Variants in UPRT observed in about 807,000 individuals in gnomAD.
UPRT encodes uracil phosphoribosyltransferase homolog.
UPRT carries 5 observed loss-of-function variants against 22.6 expected under a neutral mutation model. The observed-to-expected ratio is 0.22, with a 90% CI of 0.12 to 0.47. The LOEUF (loss-of-function observed/expected upper bound fraction) is 0.47. Among genes scored for constraint, UPRT ranks in the 20% least tolerant of loss-of-function variants. The probability of loss-of-function intolerance (pLI) is 0.99; values close to 1 mark genes in which losing one functional copy is unlikely to be tolerated. For missense variants in UPRT, 181 were observed against 239.9 expected, an observed-to-expected ratio of 0.75 and a Z score of 1.62; for synonymous variants, 77 against 87.7, an observed-to-expected ratio of 0.88 and a Z score of 0.68.
intron 1 of UPRT, among the ~76,000 whole-genome samples, chrX:75,280,007 C>CAT (rs1419252390): frequency 1.3e-4 from 14 of 109,709 alleles, no homozygotes; most frequent in South Asian, 1.2e-3. Context: ...AGTATTCCAT[C>CAT]ATATATATAT....
At chrX:75,282,745 C>T (rs1166927887) in intron 1 of UPRT, among the ~76,000 whole-genome samples, 1 of 111,365 alleles carries the variant, frequency 9.0e-6, no homozygotes, top group East Asian at 2.8e-4. Context: ...AATATGTATT[C>T]TGCAGTTGTT....
intron 1 of UPRT, among the ~76,000 whole-genome samples, chrX:75,160,191 T>C (rs1338125014): frequency 1.8e-5 from 2 of 112,127 alleles, no homozygotes; most frequent in East Asian, 5.6e-4. Flanking sequence ...TGGTGGAGTC[T>C]GTAAGGAAGA....
At chrX:75,237,797 G>T (rs2082473296) in intron 4 of UPRT, among the ~76,000 whole-genome samples, 2 of 75,948 alleles carry the variant, frequency 2.6e-5, no homozygotes, top group Admixed American at 1.8e-4. Context: ...GGGGACTGTT[G>T]TGGGGTGGGG....
At chrX:75,236,146 C>T (rs1332179342) in intron 4 of UPRT, among the ~76,000 whole-genome samples, 1 of 111,325 alleles carries the variant, frequency 9.0e-6, no homozygotes, top group South Asian at 3.8e-4. Context: ...CATTCTTATA[C>T]ATCAACAGCA....
chrX:75,239,564 G>T (rs1386255718), intron 4 of UPRT, among the ~76,000 whole-genome samples: 1 of 110,999 alleles, frequency 9.0e-6, no homozygotes. Flanking sequence ...TATTCCAAAG[G>T]ATAGAGAAAG....
chrX:75,179,420 G>A (rs770294962), intron 4 of UPRT, among the ~76,000 whole-genome samples: 8 of 113,103 alleles, frequency 7.1e-5, no homozygotes, highest in South Asian at 7.2e-4. Context: ...GACTCTCCAC[G>A]TCCCCACCAG....
chrX:75,216,818 A>C (rs1221899102), intron 4 of UPRT, among the ~76,000 whole-genome samples: 1 of 112,057 alleles, frequency 8.9e-6, no homozygotes, highest in African/African-American at 3.2e-5. Flanking sequence ...GCAGCGGCGC[A>C]ATCTCGGCTC....
chrX:75,188,852 G>C (rs772535225), intron 4 of UPRT, among the ~76,000 whole-genome samples: 1 of 111,665 alleles, frequency 9.0e-6, no homozygotes, highest in Non-Finnish European at 1.9e-5. Context: ...TTCGCTTCCC[G>C]AGTGAGGCAA....
intron 4 of UPRT, among the ~76,000 whole-genome samples, chrX:75,197,648 T>A (rs1434779555): frequency 9.0e-6 from 1 of 111,580 alleles, no homozygotes; most frequent in Non-Finnish European, 1.9e-5. Context: ...TAAAACTAGA[T>A]AATAAATGGG....
chrX:75,164,981 A>G (rs2082209134), intron 3 of UPRT, among the ~76,000 whole-genome samples: 1 of 102,168 alleles, frequency 9.8e-6, no homozygotes, highest in African/African-American at 3.5e-5. Context: ...AAAATGCTAT[A>G]CAAATTTTTT....
intron 4 of UPRT, among the ~76,000 whole-genome samples, chrX:75,254,240 A>G (rs1188150525): frequency 8.9e-6 from 1 of 111,870 alleles, no homozygotes; most frequent in Non-Finnish European, 1.9e-5. Context: ...CTAATCAGGA[A>G]TGCACCAGAG....
intron 4 of UPRT, among the ~76,000 whole-genome samples, chrX:75,256,872 A>C (rs5981340): frequency 0.65 from 71,695 of 110,295 alleles, 20,701 homozygotes; most frequent in Non-Finnish European, 0.91. Flanking sequence ...TTGAAATGGT[A>C]ATTTAACAGT....
At chrX:75,251,225 G>A (rs1227756941) in intron 4 of UPRT, among the ~76,000 whole-genome samples, 1 of 111,470 alleles carries the variant, frequency 9.0e-6, no homozygotes, top group Non-Finnish European at 1.9e-5. Flanking sequence ...AATCAGGCAG[G>A]AGAAGGAAAT....
intron 4 of UPRT, among the ~76,000 whole-genome samples, chrX:75,257,089 C>T (rs1048793580): frequency 1.8e-5 from 2 of 111,873 alleles, no homozygotes; most frequent in African/African-American, 6.5e-5. Context: ...CAGACAGTAT[C>T]CCTGATGTAC....
At chrX:75,287,061 T>A (rs1350845097) in intron 1 of UPRT, among the ~76,000 whole-genome samples, 1 of 111,431 alleles carries the variant, frequency 9.0e-6, no homozygotes, top group Non-Finnish European at 1.9e-5. Flanking sequence ...GACCTTTTTT[T>A]AAGAAGAGTT....
intron 4 of UPRT, among the ~76,000 whole-genome samples, chrX:75,187,646 G>A (rs995512074): frequency 2.3e-4 from 26 of 111,929 alleles, no homozygotes; most frequent in Admixed American, 1.5e-3. Context: ...TCTCCCCGTC[G>A]CTTTCAGGTA....
intron 4 of UPRT, among the ~76,000 whole-genome samples, chrX:75,214,027 A>T (rs1328084871): frequency 9.8e-5 from 11 of 112,213 alleles, no homozygotes; most frequent in Non-Finnish European, 1.9e-4. Context: ...AGTAGATTAT[A>T]CATTGTTCTC....
chrX:75,222,590 C>G (rs1463904239), intron 4 of UPRT, among the ~76,000 whole-genome samples: 2 of 111,517 alleles, frequency 1.8e-5, no homozygotes, highest in Non-Finnish European at 3.8e-5. Context: ...TTTTCACAGG[C>G]AGAAGATTCT....
intron 4 of UPRT, among the ~76,000 whole-genome samples, chrX:75,169,906 C>T (rs1333232387): frequency 9.0e-6 from 1 of 111,573 alleles, no homozygotes; most frequent in African/African-American, 3.3e-5. Context: ...GTTGCTATCT[C>T]ATTTCTTAGG....
Sources: gnomAD v4.1 joint callset for allele counts (sites outside exome capture counted in the v4.1 genomes callset) on GRCh38, gnomAD v4.1.1 for gene constraint, MANE v1.5 for transcripts, NCBI Gene and HGNC (gene_info 2026-07-23, HGNC 2026-07-21) for gene names.